PCDHA13: variants seen among roughly 807,000 people sequenced by gnomAD.
PCDHA13 encodes protocadherin alpha 13.
Under a neutral mutation model 64.8 loss-of-function variants are expected in PCDHA13, and 54 were observed. The observed-to-expected ratio is 0.83, with a 90% CI of 0.67 to 1.04. The LOEUF (loss-of-function observed/expected upper bound fraction) is 1.04. Ranked by LOEUF, PCDHA13 falls within the 50% of genes least tolerant of loss-of-function variation. The pLI is 0.00. For synonymous variants in PCDHA13, 587 were observed against 564.4 expected (o/e 1.04, Z -0.57); for missense variants, 1,248 against 1,254.3 (o/e 0.99, Z 0.08).
At chr5:141,002,682 G>A (rs536105955) in intron 3 of PCDHA13, among the ~76,000 whole-genome samples, 51 of 152,256 alleles carry the variant, frequency 3.3e-4, no homozygotes, top group African/African-American at 1.0e-3. Flanking sequence ...CCTATACGAC[G>A]TGCAGATTTG....
At chr5:140,898,906 G>A (rs199581699) in intron 1 of PCDHA13, among the ~76,000 whole-genome samples, 45,464 of 151,416 alleles carry the variant, frequency 0.3, 7,269 homozygotes, top group East Asian at 0.52. Context: ...GGTCCTTCAC[G>A]TCCCTTGTAA....
intron 3 of PCDHA13, among the ~76,000 whole-genome samples, chr5:141,004,751 T>C (rs1323540564): frequency 2.0e-5 from 3 of 152,182 alleles, no homozygotes; most frequent in African/African-American, 7.2e-5. Flanking sequence ...TCTCAGTCTC[T>C]TAGAGACAGG....
intron 1 of PCDHA13, among the ~76,000 whole-genome samples, chr5:140,948,438 G>A (rs2094254732): frequency 6.6e-6 from 1 of 151,474 alleles, no homozygotes; most frequent in South Asian, 2.1e-4. Context: ...GAAACATTCT[G>A]TGCCAGGGAT....
intron 3 of PCDHA13, among the ~76,000 whole-genome samples, chr5:141,007,673 A>C (rs2098339698): frequency 6.6e-6 from 1 of 152,136 alleles, no homozygotes; most frequent in African/African-American, 2.4e-5. Flanking sequence ...ACAAAGACAA[A>C]AGTTATCCTA....
chr5:140,932,703 G>A (rs1218359293), intron 1 of PCDHA13, among the ~76,000 whole-genome samples: 2 of 151,660 alleles, frequency 1.3e-5, no homozygotes, highest in Non-Finnish European at 3.0e-5. Flanking sequence ...AACTCATATA[G>A]ACAACACAAT....
At chr5:140,941,750 T>C (rs528792646) in intron 1 of PCDHA13, among the ~76,000 whole-genome samples, 2 of 152,384 alleles carry the variant, frequency 1.3e-5, no homozygotes, top group Admixed American at 6.5e-5. Flanking sequence ...TATCAGATTT[T>C]CAGTGCTTTT....
chr5:140,921,267 A>G (rs1371688460), intron 1 of PCDHA13, among the ~76,000 whole-genome samples: 2 of 152,168 alleles, frequency 1.3e-5, no homozygotes, highest in Non-Finnish European at 2.9e-5. Flanking sequence ...AGACTTTTAT[A>G]CTTACTTGAA....
At chr5:140,930,527 A>G (rs73793525) in intron 1 of PCDHA13, 1 of 152,462 alleles carries the variant, frequency 6.6e-6, no homozygotes, top group Non-Finnish European at 1.5e-5. Context: ...CTGGCCCTCA[A>G]ACTTCTTGAG....
intron 1 of PCDHA13, among the ~76,000 whole-genome samples, chr5:140,895,125 G>T (rs1165797883): frequency 2.0e-5 from 3 of 152,068 alleles, no homozygotes; most frequent in African/African-American, 7.2e-5. Flanking sequence ...TTTGTTAGTT[G>T]ACAAGTTCAT....
At chr5:140,930,143 T>C (rs1375967730) in intron 1 of PCDHA13, 4 of 152,204 alleles carry the variant, frequency 2.6e-5, no homozygotes, top group Non-Finnish European at 5.9e-5. Context: ...ACCTTTTGTT[T>C]TGTGTTTCTA....
At chr5:140,910,072 T>A (rs546252378) in intron 1 of PCDHA13, among the ~76,000 whole-genome samples, 359 of 152,300 alleles carry the variant, frequency 2.4e-3, no homozygotes, top group African/African-American at 8.0e-3. Flanking sequence ...ACAGCGTAAA[T>A]TGTTGTCAAG....
intron 1 of PCDHA13, chr5:140,969,220 G>A (rs2096308533): frequency 6.2e-7 from 1 of 1,614,084 alleles, no homozygotes; most frequent in African/African-American, 1.3e-5. Flanking sequence ...CAGGACCAGG[G>A]CCTTCGGGAG....
chr5:140,951,762 A>G (rs2094630710), intron 1 of PCDHA13, among the ~76,000 whole-genome samples: 1 of 152,090 alleles, frequency 6.6e-6, no homozygotes, highest in Non-Finnish European at 1.5e-5. Flanking sequence ...GCGAAATCTC[A>G]TGACGTTCTT....
chr5:140,920,766 C>T (rs370765138), intron 1 of PCDHA13, among the ~76,000 whole-genome samples: 66 of 151,878 alleles, frequency 4.3e-4, no homozygotes, highest in African/African-American at 1.6e-3. Context: ...ATTGCTTACA[C>T]CTGGGAGGTG....
intron 1 of PCDHA13, among the ~76,000 whole-genome samples, chr5:140,939,048 A>T (rs931079281): frequency 1.3e-5 from 2 of 152,180 alleles, no homozygotes; most frequent in Admixed American, 6.5e-5. Flanking sequence ...GTCTTAGTCC[A>T]TTTGGGCTGC....
chr5:140,929,499 C>G, intron 1 of PCDHA13: 1 of 980,264 alleles, frequency 1.0e-6, no homozygotes, highest in South Asian at 3.1e-5. Flanking sequence ...GAAGATTGCC[C>G]TAGGCCTCAA....
intron 1 of PCDHA13, among the ~76,000 whole-genome samples, chr5:140,921,875 A>G (rs1414785128): frequency 6.6e-6 from 1 of 152,118 alleles, no homozygotes; most frequent in Non-Finnish European, 1.5e-5. Flanking sequence ...CAGTATATAT[A>G]TAAGATTTTA....
Position 141,009,859 on chromosome 5 carries a change from G to A in PCDHA13, c.2775G>A (p.Lys925=). The A allele has an allele frequency of 1.2e-6, 2 of 1,613,884 alleles. No homozygotes were observed. Among genetic ancestry groups the A allele is most frequent in the Non-Finnish European group, 1.7e-6 (2 of 1,179,960 alleles). The part of the protein sequence containing the change: ...TFGKKEETKK[K]KKKKKGNKTQ... ...GCAAAAAGGAGGAGACCAAGAAAAA[G>A]AAGAAAAAGAAGAAGGGTAACAAGA... The change falls in exon 4 of 4, where the codon AAG becomes AAA. Residue 925 remains lysine (K), a synonymous_variant. Transcript: ENST00000289272.
chr5:140,975,679 A>G (rs1312259048), intron 1 of PCDHA13, among the ~76,000 whole-genome samples: 1 of 152,250 alleles, frequency 6.6e-6, no homozygotes, highest in Non-Finnish European at 1.5e-5. Context: ...TATTAATAAA[A>G]TAGGGTATTT....
Sources: gnomAD v4.1 joint callset for allele counts (sites outside exome capture counted in the v4.1 genomes callset) on GRCh38, gnomAD v4.1.1 for gene constraint, MANE v1.5 for transcripts, NCBI Gene and HGNC (gene_info 2026-07-23, HGNC 2026-07-21) for gene names.